The following UBASH3B variants were observed in gnomAD, a reference collection of about 807,000 sequenced individuals.
UBASH3B encodes ubiquitin-associated and SH3 domain-containing protein B.
In UBASH3B, 37 loss-of-function variants were observed where a neutral mutation model predicts 83.4. That is an observed-to-expected ratio of 0.44 (90% CI 0.34 to 0.58). The LOEUF (loss-of-function observed/expected upper bound fraction) is 0.58. Ranked by LOEUF, UBASH3B falls within the 20% of genes least tolerant of loss-of-function variation. The pLI is 0.01. For missense variants in UBASH3B, 657 were observed against 827.2 expected, an observed-to-expected ratio of 0.79 and a Z score of 2.52; for synonymous variants, 304 against 318.3, an observed-to-expected ratio of 0.96 and a Z score of 0.48.
rs1366345739 is a variant in UBASH3B at position 122,806,309 on chromosome 11, G to A, written c.1596-101G>A. 17 of 986,164 alleles carry A rather than the reference G, an allele frequency of 1.7e-5. No homozygotes were observed. Among genetic ancestry groups the A allele is most frequent in the African/African-American group, 6.6e-5 (4 of 60,382 alleles). The allele number at this position is 986,164 out of a possible 1,614,324, so 61.1% of individuals were successfully genotyped here. On this transcript the variant is annotated intron_variant, in intron 11 of 13. Coordinates refer to ENST00000284273, the MANE Select transcript of UBASH3B (RefSeq NM_032873.5). The surrounding 1 kb of genome is among the most constrained non-coding windows in gnomAD (Gnocchi z 4.0). Reference sequence around the variant, plus strand: ...GAAATGGATAAACAAACAGATCTACGGGATCTTTAGAAATGCCTTGAAATA... The same window carrying A: ...GAAATGGATAAACAAACAGATCTACAGGATCTTTAGAAATGCCTTGAAATA...
intron 1 of UBASH3B, chr11:122,727,634 G>A (rs1054661931): frequency 6.6e-6 from 1 of 152,154 alleles, no homozygotes; most frequent in Non-Finnish European, 1.5e-5. Context: ...ACGGGACCTG[G>A]TCACTGTTTT....
chr11:122,661,173 T>C (rs923764415), intron 1 of UBASH3B, among the ~76,000 whole-genome samples: 3 of 152,216 alleles, frequency 2.0e-5, no homozygotes, highest in African/African-American at 7.2e-5. Context: ...TGTCCTTTTT[T>C]TTCTACTGAG....
intron 5 of UBASH3B, among the ~76,000 whole-genome samples, chr11:122,786,185 G>C (rs959388772): frequency 2.6e-5 from 4 of 152,058 alleles, no homozygotes; most frequent in African/African-American, 9.7e-5. Context: ...AAGTAGCTGG[G>C]ACTACAGGCA....
chr11:122,702,772 G>A (rs550662782), intron 1 of UBASH3B, among the ~76,000 whole-genome samples: 51 of 152,022 alleles, frequency 3.4e-4, no homozygotes, highest in Non-Finnish European at 6.5e-4. Context: ...TGATCCACCC[G>A]CCTCGGCCTC....
At chr11:122,756,044 G>A (rs1319481564) in intron 1 of UBASH3B, among the ~76,000 whole-genome samples, 7 of 151,398 alleles carry the variant, frequency 4.6e-5, no homozygotes, top group Admixed American at 6.6e-5. Flanking sequence ...TAATTAGGAC[G>A]GAAGGAATCC....
intron 1 of UBASH3B, among the ~76,000 whole-genome samples, chr11:122,766,994 T>C (rs1028905730): frequency 1.8e-4 from 28 of 152,088 alleles, no homozygotes; most frequent in African/African-American, 6.5e-4. Flanking sequence ...AATAGTAATC[T>C]CTAGGCCGGG....
At chr11:122,661,052 G>A (rs951023813) in intron 1 of UBASH3B, among the ~76,000 whole-genome samples, 3 of 152,190 alleles carry the variant, frequency 2.0e-5, no homozygotes, top group Non-Finnish European at 4.4e-5. Flanking sequence ...GTTAAAGATA[G>A]GATCAGGATG....
chr11:122,741,613 C>T (rs1047260848), intron 1 of UBASH3B, among the ~76,000 whole-genome samples: 12 of 152,130 alleles, frequency 7.9e-5, no homozygotes, highest in African/African-American at 2.7e-4. Flanking sequence ...AAGGCCGAGA[C>T]ATTTGCGTTA....
At chr11:122,663,880 C>G (rs960981070) in intron 1 of UBASH3B, among the ~76,000 whole-genome samples, 2 of 152,226 alleles carry the variant, frequency 1.3e-5, no homozygotes, top group African/African-American at 4.8e-5. Flanking sequence ...CAGACAATAA[C>G]AGCACTTGTC....
chr11:122,675,291 T>C (rs576888371), intron 1 of UBASH3B, among the ~76,000 whole-genome samples: 1 of 152,368 alleles, frequency 6.6e-6, no homozygotes, highest in African/African-American at 2.4e-5. Flanking sequence ...AGCTGCTGTT[T>C]CCTGTGTTTA....
chr11:122,666,264 A>G (rs945110352), intron 1 of UBASH3B, among the ~76,000 whole-genome samples: 2 of 152,200 alleles, frequency 1.3e-5, no homozygotes, highest in African/African-American at 4.8e-5. Context: ...TCGCTCCCTA[A>G]GTGTTTATTC....
chr11:122,797,461 G>C (rs9988820), intron 9 of UBASH3B, among the ~76,000 whole-genome samples: 74,226 of 152,082 alleles, frequency 0.49, 19,924 homozygotes, highest in African/African-American at 0.71. Flanking sequence ...TCCATTACTG[G>C]CACGGGGAGA....
chr11:122,673,654 G>A (rs1044413595), intron 1 of UBASH3B, among the ~76,000 whole-genome samples: 2 of 152,224 alleles, frequency 1.3e-5, no homozygotes, highest in South Asian at 2.1e-4. Context: ...GTGAGACTCC[G>A]TCACTTAAAA....
At chr11:122,668,338 G>A (rs1276777937) in intron 1 of UBASH3B, among the ~76,000 whole-genome samples, 1 of 152,138 alleles carries the variant, frequency 6.6e-6, no homozygotes, top group Non-Finnish European at 1.5e-5. Context: ...AGAATGGGAG[G>A]ATCTGTTCTC....
Position 122,796,923 on chromosome 11 carries a change from G to A in UBASH3B, c.1247G>A (p.Arg416His), listed in dbSNP as rs1043881230. The A allele has an allele frequency of 6.2e-6, 10 of 1,614,078 alleles. No homozygotes were observed. Among genetic ancestry groups the A allele is most frequent in the Non-Finnish European group, 7.6e-6 (9 of 1,179,990 alleles). Residue 416 changes from arginine (R) to histidine (H), a missense_variant, in exon 9 of 14, where the codon CGC (arginine) becomes CAC (histidine). Arg to His is a conservative substitution (Grantham distance 29). Coordinates refer to ENST00000284273, the MANE Select transcript of UBASH3B (RefSeq NM_032873.5). ...CTTTGTTTTTCAGGCCGCTACATAC[G>A]CACCAACCTGAACATGCCTCATAGT... ...QCFDAKGRYI[R>H]TNLNMPHSLP...
chr11:122,746,763 C>T (rs938468137), intron 1 of UBASH3B, among the ~76,000 whole-genome samples: 3 of 152,092 alleles, frequency 2.0e-5, no homozygotes, highest in African/African-American at 4.8e-5. Flanking sequence ...GGGCATTTAC[C>T]GTGTGCTCAG....
chr11:122,802,599 T>C (rs993835766), intron 11 of UBASH3B, among the ~76,000 whole-genome samples: 2 of 152,164 alleles, frequency 1.3e-5, no homozygotes, highest in African/African-American at 2.4e-5. Context: ...ATATTCTTTT[T>C]CCATACTCAT....
intron 1 of UBASH3B, among the ~76,000 whole-genome samples, chr11:122,696,978 A>G (rs1484691968): frequency 6.6e-6 from 1 of 152,140 alleles, no homozygotes; most frequent in Non-Finnish European, 1.5e-5. Context: ...AGATCAGGCC[A>G]CCAGGAGTTG....
intron 10 of UBASH3B, among the ~76,000 whole-genome samples, chr11:122,800,562 T>C (rs79508890): frequency 6.6e-6 from 1 of 151,070 alleles, no homozygotes; most frequent in East Asian, 2.0e-4. Context: ...TCAAAAAAAA[T>C]AATAATAATA....
Sources: gnomAD v4.1 joint callset for allele counts (sites outside exome capture counted in the v4.1 genomes callset) on GRCh38, gnomAD v4.1.1 for gene constraint, Gnocchi (gnomAD v3.1) non-coding constraint, MANE v1.5 for transcripts, NCBI Gene and HGNC (gene_info 2026-07-23, HGNC 2026-07-21) for gene names.